Variants in KCNH6 observed in about 807,000 individuals in gnomAD.
The protein encoded by KCNH6 is voltage-gated inwardly rectifying potassium channel KCNH6.
A neutral mutation model predicts 83.4 loss-of-function variants in KCNH6; 81 were observed. The ratio of observed to expected loss-of-function variants is 0.97; its 90% CI spans 0.81 to 1.17. The LOEUF (loss-of-function observed/expected upper bound fraction) is 1.17, where lower values mean the gene tolerates loss of function less well. Ranked by LOEUF, KCNH6 falls within the 50% of genes most tolerant of loss-of-function variation. The pLI is 0.00. For synonymous variants in KCNH6, 503 were observed against 545.6 expected, an observed-to-expected ratio of 0.92 and a Z score of 1.09; for missense variants, 1,203 against 1,290.5, an observed-to-expected ratio of 0.93 and a Z score of 1.04.
intron 8 of KCNH6, 87 bp from the exon 9 acceptor site, chr17:63,542,154 G>A (rs79634433): frequency 7.4e-5 from 103 of 1,391,620 alleles, no homozygotes; most frequent in Admixed American, 1.3e-4. Context: ...AAGGATGTCC[G>A]AGGTTGGGGG....
At position 63,530,240 on chromosome 17, in the gene KCNH6, T is replaced by G. The variant is rs2032002971; in HGVS notation, c.457T>G (p.Phe153Val). ...GTCCCAGCGCCTGTTGTCCCAGAGCTTCCTGGGCTCCGGTGAGGCAGAGTG... is the reference window on the plus strand; with the variant it reads ...GTCCCAGCGCCTGTTGTCCCAGAGCGTCCTGGGCTCCGGTGAGGCAGAGTG... ...SLSQRLLSQS[F>V]LGSEGSHGRP... is the part of the protein sequence containing the mutation. The change falls in exon 3 of 13, where the codon TTC (phenylalanine) becomes GTC (valine). Residue 153 changes from phenylalanine (F) to valine (V), a missense_variant. Phe to Val is a conservative substitution (Grantham distance 50). Transcript: ENST00000314672. The G allele has an allele frequency of 6.2e-7, 1 of 1,614,054 alleles. No homozygotes were observed. Among genetic ancestry groups the G allele is most frequent in the Admixed American group, 1.7e-5 (1 of 60,022 alleles).
intron 9 of KCNH6, among the ~76,000 whole-genome samples, 167 bp downstream of exon 9, chr17:63,542,601 G>C (rs1406766203): frequency 6.6e-6 from 1 of 152,234 alleles, no homozygotes; most frequent in Non-Finnish European, 1.5e-5. Context: ...TATGAGGATA[G>C]CTACTATTTA....
chr17:63,542,577 G>C, intron 9 of KCNH6, 143 bp downstream of exon 9: 1 of 702,074 alleles, frequency 1.4e-6, no homozygotes. Context: ...TACCATGGCT[G>C]GCGTCATGCT....
At chr17:63,548,127 G>A (rs191230504), downstream of KCNH6, among the ~76,000 whole-genome samples, 44 of 152,164 alleles carry the variant, frequency 2.9e-4, no homozygotes, top group African/African-American at 9.4e-4. Context: ...ATAGCCAGGC[G>A]TGGTGGCAGG....
At chr17:63,542,526 C>T (rs1386150001) in intron 9 of KCNH6, 92 bp downstream of exon 9, 2 of 1,082,142 alleles carry the variant, frequency 1.8e-6, no homozygotes. Context: ...CCCTTCCTTT[C>T]AACCCCATCC....
chr17:63,530,787 C>A (rs913525060), intron 4 of KCNH6, among the ~76,000 whole-genome samples: 1 of 152,202 alleles, frequency 6.6e-6, no homozygotes, highest in Non-Finnish European at 1.5e-5. Flanking sequence ...GTCAGTAGGG[C>A]CTGTGAATGA....
Position 63,535,778 on chromosome 17 carries a change from T to C in KCNH6, c.1211T>C (p.Leu404Pro). 6.2e-7 allele frequency: 1 copy of C among 1,614,244 alleles called. No homozygotes were observed. The highest frequency in any genetic ancestry group is 8.5e-7 in the Non-Finnish European group (1 of 1,180,050). ...TATGGGGCGGCTGTGCTCTTCTTGC[T>C]CATGTGCACCTTCGCGCTCATAGCG... Reference protein sequence around the residue: ...SEYGAAVLFLLMCTFALIAHW... With the variant: ...SEYGAAVLFLPMCTFALIAHW... Residue 404 changes from leucine to proline, a missense_variant, in exon 6 of 13, where the codon CTC (leucine) becomes CCC (proline). By Grantham distance (98) the Leu-to-Pro change is moderately conservative. Coordinates refer to ENST00000314672, the MANE Select transcript of KCNH6 (RefSeq NM_001278919.2). The surrounding 1 kb of genome is among the most constrained non-coding windows in gnomAD (Gnocchi z 4.9).
chr17:63,533,785 C>T lies in KCNH6; in HGVS notation c.676-101C>T. 4.4e-6 allele frequency: 5 copies of T among 1,137,082 alleles called. No homozygotes were observed. Among genetic ancestry groups the T allele is most frequent in the Non-Finnish European group, 6.3e-6 (5 of 793,738 alleles). 70.4% of individuals were successfully genotyped at this position (1,137,082 alleles called of 1,614,324 possible). ...CTCTGCCCACCAGAGCCGTGGTCAC[C>T]CACCCTCTCCCACTACACCTTCCCC... On this transcript the variant is annotated intron_variant, in intron 4 of 12. Transcript: ENST00000314672. The surrounding 1 kb of genome is among the most constrained non-coding windows in gnomAD (Gnocchi z 4.1).
At chr17:63,546,808 C>T (rs189460425), downstream of KCNH6, 2 of 152,374 alleles carry the variant, frequency 1.3e-5, no homozygotes, top group Admixed American at 1.3e-4. Context: ...TAAGGAGCTG[C>T]AGACTTACCC....
Position 63,523,535 on chromosome 17 carries a change from T to C in KCNH6, c.76+46T>C, listed in dbSNP as rs750803727. 1.4e-6 allele frequency: 2 copies of C among 1,411,768 alleles called. No homozygotes were observed. Among genetic ancestry groups the C allele is most frequent in the Non-Finnish European group, 2.0e-6 (2 of 1,021,936 alleles). The allele number at this position is 1,411,768 out of a possible 1,614,324, so 87.5% of individuals were successfully genotyped here. On this transcript the variant is annotated intron_variant, in intron 1 of 12. Coordinates refer to ENST00000314672, the MANE Select transcript of KCNH6 (RefSeq NM_001278919.2). This position sits in a 1 kb window ranked among gnomAD's most constrained non-coding sequence, Gnocchi z 4.2. ...GCGGGGGGACGATCTGGAGTCCTGG[T>C]TCCGTGAAAGGGGGGGCTGGACCCC...
chr17:63,529,975 C>G (rs2031974337), intron 2 of KCNH6, 116 bp from the exon 3 acceptor site: 2 of 1,112,014 alleles, frequency 1.8e-6, no homozygotes, highest in African/African-American at 3.1e-5. Context: ...CTGTCCAAGC[C>G]TCTTCACCCG....
chr17:63,523,989 C>A lies in KCNH6; in HGVS notation c.77-150C>A. 3 of 692,206 alleles carry A rather than the reference C, an allele frequency of 4.3e-6. No homozygotes were observed. The highest frequency in any genetic ancestry group is 7.9e-6 in the Non-Finnish European group (3 of 379,328). The allele number at this position is 692,206 out of a possible 1,614,324, so 42.9% of individuals were successfully genotyped here. ...TCACTGCCCTAGTCTTCCCACAATCCCCAGGCCTGACTCCCTCCCTCATTC... is the reference window on the plus strand; with the variant it reads ...TCACTGCCCTAGTCTTCCCACAATCACCAGGCCTGACTCCCTCCCTCATTC... On this transcript the variant is annotated intron_variant, in intron 1 of 12. Transcript: ENST00000314672. This position sits in a 1 kb window ranked among gnomAD's most constrained non-coding sequence, Gnocchi z 4.2.
At chr17:63,546,742 T>A (rs1206461739), downstream of KCNH6, 1 of 152,266 alleles carries the variant, frequency 6.6e-6, no homozygotes, top group Non-Finnish European at 1.5e-5. Flanking sequence ...GTGTGTAACT[T>A]ATCTGAAGGT....
In KCNH6 at chr17:63,523,954, C is replaced by T. The variant is rs1010501764; in HGVS notation, c.77-185C>T. 6.6e-6 allele frequency among the ~76,000 whole-genome samples: 1 copy of T among 152,046 alleles called. No individual in the cohort carries two copies. Among genetic ancestry groups the T allele is most frequent in the Non-Finnish European group, 1.5e-5 (1 of 68,004 alleles). On this transcript the variant is annotated intron_variant, in intron 1 of 12. Coordinates refer to ENST00000314672, the MANE Select transcript of KCNH6 (RefSeq NM_001278919.2). This position sits in a 1 kb window ranked among gnomAD's most constrained non-coding sequence, Gnocchi z 4.2. ...AGGAGGCCTTGGGCCTTCCTTCCAC[C>T]TCAAGACCCTCACTGCCCTAGTCTT...
intron 8 of KCNH6, among the ~76,000 whole-genome samples, chr17:63,540,371 G>A (rs1387974365): frequency 6.6e-6 from 1 of 152,000 alleles, no homozygotes; most frequent in African/African-American, 2.4e-5. Context: ...GGTGGAAATT[G>A]CAGTAAACCA....
intron 8 of KCNH6, among the ~76,000 whole-genome samples, chr17:63,540,345 T>C (rs2032785661): frequency 6.6e-6 from 1 of 151,906 alleles, no homozygotes; most frequent in South Asian, 2.1e-4. Flanking sequence ...AGGCAGAGAA[T>C]TGCTTGAACC....
At position 63,545,837 on chromosome 17, in the gene KCNH6, C is replaced by T. The variant is rs200206448; in HGVS notation, c.2812C>T (p.Pro938Ser). 2.2e-5 allele frequency: 35 copies of T among 1,614,080 alleles called. No homozygotes were observed. In the African/African-American group the frequency reaches 2.4e-4, roughly 11 times the overall value. The part of the protein sequence containing the change: ...SSLPEHLGSV[P>S]KQLDFQRHGS... Reference sequence around the variant, plus strand: ...CCTCCCTGAACACCTTGGCTCTGTTCCCAAGCAGCTGGACTTCCAGAGACA... The same window carrying T: ...CCTCCCTGAACACCTTGGCTCTGTTTCCAAGCAGCTGGACTTCCAGAGACA... Residue 938 changes from proline to serine, a missense_variant, in exon 13 of 13, where the codon CCC becomes TCC. Coordinates refer to ENST00000314672, the MANE Select transcript of KCNH6 (RefSeq NM_001278919.2).
At position 63,530,822 on chromosome 17, in the gene KCNH6, C is replaced by T. The variant is rs146607691; in HGVS notation, c.675+280C>T. On this transcript the variant is annotated intron_variant, in intron 4 of 12. Coordinates refer to ENST00000314672, the MANE Select transcript of KCNH6 (RefSeq NM_001278919.2). ...ATGCCACCTCCTAGGCCTGGAGAAG[C>T]CAGGGCAGGGGATGGACATGGAGGC... 6.6e-5 allele frequency among the ~76,000 whole-genome samples: 10 copies of T among 152,324 alleles called. No homozygotes were observed. In the East Asian group the frequency reaches 1.9e-3, roughly 29 times the overall value.
At chr17:63,542,481 G>A (rs372361421) in intron 9 of KCNH6, 47 bp downstream of exon 9, 3 of 1,547,130 alleles carry the variant, frequency 1.9e-6, no homozygotes, top group East Asian at 2.3e-5. Flanking sequence ...TGCCCAGGCA[G>A]CCTGCCTGGC....
Sources: allele counts gnomAD v4.1 joint callset (sites outside exome capture counted in the v4.1 genomes callset), GRCh38; gene constraint gnomAD v4.1.1; non-coding constraint Gnocchi (gnomAD v3.1); transcripts MANE v1.5; gene names NCBI Gene and HGNC (gene_info 2026-07-23, HGNC 2026-07-21).